Variants in HDAC4 observed in about 807,000 individuals in gnomAD.
HDAC4 encodes histone deacetylase A.
A neutral mutation model predicts 135.1 loss-of-function variants in HDAC4; 16 were observed. That is an observed-to-expected ratio of 0.12 (90% confidence interval 0.08 to 0.18). The LOEUF is 0.18. Among genes scored for constraint, HDAC4 ranks in the 10% least tolerant of loss-of-function variants. The pLI, the probability that HDAC4 is intolerant of heterozygous loss-of-function variation, is 1.00. For missense variants in HDAC4, 1,143 were observed against 1,511.8 expected, an observed-to-expected ratio of 0.76 and a Z score of 4.05; for synonymous variants, 685 against 653.4, an observed-to-expected ratio of 1.05 and a Z score of -0.74.
At chr2:239,249,497 T>G (rs945334551) in intron 2 of HDAC4, among the ~76,000 whole-genome samples, 2 of 152,186 alleles carry the variant, frequency 1.3e-5, no homozygotes, top group African/African-American at 2.4e-5. Context: ...TGATGGAACC[T>G]GCTGATTTTA....
At chr2:239,233,852 T>C (rs968311555) in intron 3 of HDAC4, among the ~76,000 whole-genome samples, 13 of 152,106 alleles carry the variant, frequency 8.5e-5, no homozygotes, top group Non-Finnish European at 1.8e-4. Flanking sequence ...GACAATTGAG[T>C]GTGTGTGTGT....
intron 8 of HDAC4, among the ~76,000 whole-genome samples, chr2:239,143,587 C>T (rs901875831): frequency 6.6e-6 from 1 of 152,164 alleles, no homozygotes; most frequent in African/African-American, 2.4e-5. Flanking sequence ...AGACCCAGAC[C>T]CTTACACCGT....
At chr2:239,053,708 CT>C (rs1384189792) in intron 25 of HDAC4, 107 bp from the exon 26 acceptor site, 1 of 928,986 alleles carries the variant, frequency 1.1e-6, no homozygotes, top group African/African-American at 1.6e-5. Context: ...AGATTGATCC[CT>C]TATGATTTTA....
Position 239,050,052 on chromosome 2 carries a change from C to T in HDAC4, c.*3045G>A, listed in dbSNP as rs755961035. ...TCCCTGACGTGGTCCCGCCTGCAGACGCCGAGGCAGATCCTCTGCCATCTG... is the reference window on the plus strand; with the variant it reads ...TCCCTGACGTGGTCCCGCCTGCAGATGCCGAGGCAGATCCTCTGCCATCTG... On this transcript the variant is annotated 3_prime_UTR_variant, in exon 27 of 27. Coordinates refer to ENST00000543185, the MANE Select transcript of HDAC4 (RefSeq NM_001378414.1). The T allele has an allele frequency of 4.6e-5, 7 of 152,642 alleles. No individual in the cohort carries two copies. Among genetic ancestry groups the T allele is most frequent in the South Asian group, 2.1e-4 (1 of 4,830 alleles). The allele number at this position is 152,642 out of a possible 1,614,324, so 9.5% of individuals were successfully genotyped here.
intron 9 of HDAC4, among the ~76,000 whole-genome samples, chr2:239,136,107 G>T (rs1262013855): frequency 6.6e-6 from 1 of 152,212 alleles, no homozygotes; most frequent in East Asian, 1.9e-4. Context: ...TCTGCTGAAT[G>T]AATGGGCAAA....
intron 1 of HDAC4, among the ~76,000 whole-genome samples, chr2:239,396,535 A>C (rs1696573576): frequency 6.6e-6 from 1 of 152,210 alleles, no homozygotes; most frequent in Non-Finnish European, 1.5e-5. Flanking sequence ...CTAACCTTTC[A>C]TCACTGGCAC....
At chr2:239,293,437 A>G (rs1302508015) in intron 2 of HDAC4, among the ~76,000 whole-genome samples, 1 of 152,184 alleles carries the variant, frequency 6.6e-6, no homozygotes, top group Non-Finnish European at 1.5e-5. Flanking sequence ...CCTACCCTCC[A>G]CAATCAAAGG....
At chr2:239,320,781 CTTG>C (rs1342408389) in intron 2 of HDAC4, among the ~76,000 whole-genome samples, 3 of 152,190 alleles carry the variant, frequency 2.0e-5, no homozygotes, top group African/African-American at 7.2e-5. Flanking sequence ...GAACACAGCT[CTTG>C]TTAAGACAAG....
chr2:239,070,571 A>G (rs2034079260), intron 22 of HDAC4, among the ~76,000 whole-genome samples: 1 of 152,118 alleles, frequency 6.6e-6, no homozygotes, highest in South Asian at 2.1e-4. Context: ...AATCACCACC[A>G]CTGACTTTCA....
intron 2 of HDAC4, among the ~76,000 whole-genome samples, chr2:239,253,439 G>C (rs965004321): frequency 6.6e-6 from 1 of 152,148 alleles, no homozygotes; most frequent in Non-Finnish European, 1.5e-5. Context: ...AAGAAAAGAG[G>C]AACTGGAAAA....
intron 1 of HDAC4, among the ~76,000 whole-genome samples, chr2:239,394,005 G>T (rs1367927158): frequency 8.6e-6 from 1 of 116,348 alleles, no homozygotes; most frequent in Non-Finnish European, 1.6e-5. Flanking sequence ...AGGGAGGCCA[G>T]TGGAGATACC....
chr2:239,154,729 A>C (rs2042317820), intron 7 of HDAC4: 1 of 152,234 alleles, frequency 6.6e-6, no homozygotes, highest in African/African-American at 2.4e-5. Flanking sequence ...TCCTGATACT[A>C]CTGGGCACAT....
At chr2:239,378,428 G>A (rs931354225) in intron 1 of HDAC4, among the ~76,000 whole-genome samples, 6 of 152,170 alleles carry the variant, frequency 3.9e-5, no homozygotes, top group Non-Finnish European at 8.8e-5. Context: ...GACCACGGCT[G>A]TTCTGACACT....
intron 6 of HDAC4, among the ~76,000 whole-genome samples, chr2:239,159,396 C>T (rs1403315897): frequency 6.9e-6 from 1 of 145,882 alleles, no homozygotes; most frequent in African/African-American, 2.6e-5. Context: ...CAACCTATAC[C>T]CACCCACACC....
chr2:239,082,253 G>C (rs576399059), intron 20 of HDAC4, 32 bp from the exon 21 acceptor site: 1 of 1,614,136 alleles, frequency 6.2e-7, no homozygotes, highest in African/African-American at 1.3e-5. Context: ...CTTCAGGGCT[G>C]AGGCAGGTAT....
rs760349288 is a variant in HDAC4, at chr2:239,115,033, C to T, written c.1791+20G>A. 3 of 1,606,870 alleles carry T rather than the reference C, an allele frequency of 1.9e-6. No homozygotes were observed. Among genetic ancestry groups the T allele is most frequent in the South Asian group, 2.2e-5 (2 of 91,068 alleles). On this transcript the variant is annotated intron_variant, in intron 13 of 26. Transcript: ENST00000543185. This position sits in a 1 kb window ranked among gnomAD's most constrained non-coding sequence, Gnocchi z 6.3. ...GGCTGTGCGTGCCAGCCTTCTGGTG[C>T]CCTCCCCGCCTGCGGTCACCTGTCT...
At chr2:239,264,096 C>A (rs538884137) in intron 2 of HDAC4, among the ~76,000 whole-genome samples, 1 of 152,196 alleles carries the variant, frequency 6.6e-6, no homozygotes, top group South Asian at 2.1e-4. Flanking sequence ...AGGGGGCTGA[C>A]TTTCCCAGGC....
chr2:239,191,335 C>T (rs772577024), intron 3 of HDAC4, among the ~76,000 whole-genome samples: 8 of 152,348 alleles, frequency 5.3e-5, no homozygotes, highest in East Asian at 1.9e-4. Context: ...ACACTCAGCC[C>T]GTCTCTGGAC....
At position 239,285,268 on chromosome 2, in the gene HDAC4, G is replaced by A. The variant is rs1231363620; in HGVS notation, c.23-48604C>T. On this transcript the variant is annotated intron_variant, in intron 2 of 26. Coordinates refer to ENST00000543185, the MANE Select transcript of HDAC4 (RefSeq NM_001378414.1). The surrounding 1 kb of genome is among the most constrained non-coding windows in gnomAD (Gnocchi z 4.5). Reference sequence around the variant, plus strand: ...TAAGGAGGAACACAGCCATGCTGGGGGTGGGAGGGGCAGATCCCTGCTGGG... The same window carrying A: ...TAAGGAGGAACACAGCCATGCTGGGAGTGGGAGGGGCAGATCCCTGCTGGG... Among the ~76,000 whole-genome samples the A allele has an allele frequency of 1.3e-5, 2 of 152,254 alleles. No individual in the cohort carries two copies. The highest frequency in any genetic ancestry group is 2.9e-5 in the Non-Finnish European group (2 of 68,046).
Sources: gnomAD v4.1 joint callset for allele counts (sites outside exome capture counted in the v4.1 genomes callset) on GRCh38, gnomAD v4.1.1 for gene constraint, Gnocchi (gnomAD v3.1) non-coding constraint, MANE v1.5 for transcripts, NCBI Gene and HGNC (gene_info 2026-07-23, HGNC 2026-07-21) for gene names.